The following KLHL29 variants were observed in gnomAD, a reference collection of about 807,000 sequenced individuals.
The protein encoded by KLHL29 is kelch like family member 29.
A neutral mutation model predicts 80.4 loss-of-function variants in KLHL29; 21 were observed. That is an observed-to-expected ratio of 0.26 (90% CI 0.19 to 0.38). The LOEUF is 0.38. KLHL29 is among the 10% of genes least tolerant of loss of function. KLHL29 has a pLI of 1.00. For missense variants in KLHL29, 867 were observed against 1,223.9 expected (o/e 0.71, Z 4.35); for synonymous variants, 511 against 526.8 (o/e 0.97, Z 0.41).
chr2:23,542,961 C>T (rs1163382835), intron 2 of KLHL29, among the ~76,000 whole-genome samples: 2 of 152,014 alleles, frequency 1.3e-5, no homozygotes, highest in Non-Finnish European at 2.9e-5. Flanking sequence ...TTGCATTAGT[C>T]GGGGCAGGCT....
intron 3 of KLHL29, among the ~76,000 whole-genome samples, chr2:23,614,180 C>T (rs181423413): frequency 8.9e-4 from 135 of 152,314 alleles, no homozygotes; most frequent in African/African-American, 3.2e-3. Context: ...TGTCCCACCC[C>T]TTTCCAGGCA....
intron 5 of KLHL29, among the ~76,000 whole-genome samples, chr2:23,677,041 C>T (rs1004112415): frequency 6.6e-6 from 1 of 152,168 alleles, no homozygotes; most frequent in African/African-American, 2.4e-5. Context: ...GGGACAGGGG[C>T]ACAAACCCAG....
chr2:23,578,987 C>T (rs541055640), intron 3 of KLHL29, among the ~76,000 whole-genome samples: 2 of 152,348 alleles, frequency 1.3e-5, no homozygotes, highest in African/African-American at 4.8e-5. Flanking sequence ...GGGAAATCAT[C>T]GCCTCTATCT....
chr2:23,444,905 G>A (rs188602784), intron 1 of KLHL29, among the ~76,000 whole-genome samples: 231 of 152,252 alleles, frequency 1.5e-3, no homozygotes, highest in Non-Finnish European at 2.6e-3. Context: ...GTTTTGGACT[G>A]TAAGGTTTAC....
At chr2:23,492,105 T>A (rs1250509050) in intron 2 of KLHL29, among the ~76,000 whole-genome samples, 1 of 152,110 alleles carries the variant, frequency 6.6e-6, no homozygotes, top group Non-Finnish European at 1.5e-5. Flanking sequence ...AGATCACACG[T>A]CCAGCCTCCC....
chr2:23,436,439 T>A (rs1663345876), intron 1 of KLHL29, among the ~76,000 whole-genome samples: 1 of 151,782 alleles, frequency 6.6e-6, no homozygotes. Context: ...AATTGTGTGG[T>A]GATAGCCACA....
At chr2:23,418,420 A>G (rs1662668591) in intron 1 of KLHL29, among the ~76,000 whole-genome samples, 1 of 152,078 alleles carries the variant, frequency 6.6e-6, no homozygotes, top group Non-Finnish European at 1.5e-5. Context: ...TTTGTGGCCT[A>G]TGTAGGCTCC....
At chr2:23,655,403 C>T (rs1670217819) in intron 5 of KLHL29, among the ~76,000 whole-genome samples, 1 of 152,186 alleles carries the variant, frequency 6.6e-6, no homozygotes, top group Admixed American at 6.5e-5. Context: ...TTCTTGAAAT[C>T]TACCACACAG....
chr2:23,642,542 C>G lies in KLHL29; in HGVS notation c.632C>G (p.Ser211Cys). The G allele has an allele frequency of 6.5e-7, 1 of 1,541,554 alleles. No homozygotes were observed. Among genetic ancestry groups the G allele is most frequent in the Non-Finnish European group, 8.8e-7 (1 of 1,139,952 alleles). Residue 211 changes from serine (S) to cysteine (C), a missense_variant, in exon 5 of 14, where the codon TCT (serine) becomes TGT (cysteine). By Grantham distance (112) the Ser-to-Cys change is moderately radical (BLOSUM62 -1). Around this residue, in one of 2 missense-constraint regions of KLHL29, gnomAD observed 424 missense variants for 456.9 expected, o/e 0.93. Transcript: ENST00000486442. Reference protein sequence around the residue: ...PGHYSLPQPPSQPLSSVVVNM... With the variant: ...PGHYSLPQPPCQPLSSVVVNM... The stretch of plus-strand genomic sequence containing the variant: ...CACTACTCGCTCCCTCAGCCGCCCT[C>G]TCAGCCACTGAGCAGCGTGGTGGTC...
intron 11 of KLHL29, among the ~76,000 whole-genome samples, chr2:23,702,270 A>C (rs182929494): frequency 2.9e-4 from 44 of 152,328 alleles, no homozygotes; most frequent in Admixed American, 6.5e-4. Flanking sequence ...TGCCCTACTG[A>C]ACATCATAGT....
chr2:23,679,276 C>G (rs1205294329), intron 5 of KLHL29, among the ~76,000 whole-genome samples: 1 of 152,174 alleles, frequency 6.6e-6, no homozygotes, highest in African/African-American at 2.4e-5. Context: ...GGACTACACT[C>G]AGCCAATCTA....
chr2:23,684,916 C>T lies in KLHL29; in HGVS notation c.1079+379C>T, dbSNP rs1325635193. On this transcript the variant is annotated intron_variant, in intron 6 of 13. Transcript: ENST00000486442. The surrounding 1 kb of genome is among the most constrained non-coding windows in gnomAD (Gnocchi z 4.4). ...AGGGATCACTACACACTGCCCCCACCGGGCCAGAGCAGGATCCCCAGTGCC... is the reference window on the plus strand; with the variant it reads ...AGGGATCACTACACACTGCCCCCACTGGGCCAGAGCAGGATCCCCAGTGCC... 6.6e-6 allele frequency among the ~76,000 whole-genome samples: 1 copy of T among 152,208 alleles called. No individual in the cohort carries two copies. Among genetic ancestry groups the T allele is most frequent in the East Asian group, 1.9e-4 (1 of 5,192 alleles).
intron 1 of KLHL29, among the ~76,000 whole-genome samples, chr2:23,404,718 C>T (rs1056631626): frequency 6.6e-6 from 1 of 152,148 alleles, no homozygotes; most frequent in African/African-American, 2.4e-5. Flanking sequence ...TACGTCCTGC[C>T]GAGCCTGTAA....
intron 3 of KLHL29, among the ~76,000 whole-genome samples, chr2:23,627,125 C>T (rs1377175544): frequency 6.6e-6 from 1 of 152,216 alleles, no homozygotes; most frequent in Non-Finnish European, 1.5e-5. Flanking sequence ...CTGCCTCTTC[C>T]ACCACTGCTT....
chr2:23,509,311 G>A (rs1353591602), intron 2 of KLHL29, among the ~76,000 whole-genome samples: 1 of 152,222 alleles, frequency 6.6e-6, no homozygotes, highest in Non-Finnish European at 1.5e-5. Flanking sequence ...GTGCTGTAAT[G>A]TGGGTGGGGT....
chr2:23,681,466 G>T lies in KLHL29; in HGVS notation c.941-2933G>T, dbSNP rs1455268243. On this transcript the variant is annotated intron_variant, in intron 5 of 13. Transcript: ENST00000486442. This position sits in a 1 kb window ranked among gnomAD's most constrained non-coding sequence, Gnocchi z 4.2. ...TCATTGCCGGGACCTCGATTTGAAA[G>T]GAAGGTCTTCAGAAACCCTCAGGAT... 6.6e-6 allele frequency among the ~76,000 whole-genome samples: 1 copy of T among 152,166 alleles called. No homozygotes were observed. Among genetic ancestry groups the T allele is most frequent in the East Asian group, 1.9e-4 (1 of 5,192 alleles).
intron 5 of KLHL29, among the ~76,000 whole-genome samples, chr2:23,666,309 C>T (rs1346327329): frequency 2.6e-5 from 4 of 152,200 alleles, no homozygotes; most frequent in Non-Finnish European, 1.5e-5. Context: ...ATCCCCAAAA[C>T]CAGGGCAGGG....
intron 5 of KLHL29, among the ~76,000 whole-genome samples, chr2:23,650,498 C>G (rs1670061305): frequency 6.6e-6 from 1 of 152,218 alleles, no homozygotes; most frequent in Admixed American, 6.5e-5. Flanking sequence ...GCTCGGGCTA[C>G]TTAGCTGACG....
intron 5 of KLHL29, among the ~76,000 whole-genome samples, chr2:23,645,418 C>T (rs578176763): frequency 2.8e-4 from 43 of 152,174 alleles, no homozygotes; most frequent in African/African-American, 1.0e-3. Context: ...GAACAGGAGG[C>T]TCTGCGTGAT....
Sources: gnomAD v4.1 joint callset for allele counts (sites outside exome capture counted in the v4.1 genomes callset) on GRCh38, gnomAD v4.1.1 for gene constraint, gnomAD v4.1.1 regional missense constraint, Gnocchi (gnomAD v3.1) non-coding constraint, MANE v1.5 for transcripts, NCBI Gene and HGNC (gene_info 2026-07-23, HGNC 2026-07-21) for gene names.